The following ERC2 variants were observed in gnomAD, a reference collection of about 807,000 sequenced individuals.
The protein encoded by ERC2 is ERC protein 2.
Under a neutral mutation model 114.8 loss-of-function variants are expected in ERC2, and 42 were observed. The observed-to-expected ratio is 0.37, with a 90% CI of 0.29 to 0.47. The LOEUF is 0.47. ERC2 is among the 20% of genes least tolerant of loss of function. The pLI is 0.99. For missense variants in ERC2, 939 were observed against 1,150.7 expected (o/e 0.82, Z 2.66); for synonymous variants, 454 against 425.5 (o/e 1.07, Z -0.82).
chr3:56,187,813 A>G (rs1178258905), intron 3 of ERC2, among the ~76,000 whole-genome samples: 2 of 152,212 alleles, frequency 1.3e-5, no homozygotes, highest in Non-Finnish European at 2.9e-5. Flanking sequence ...TCTGCCTCCC[A>G]AACATGTAGT....
At chr3:56,063,957 T>C (rs1484851058) in intron 7 of ERC2, among the ~76,000 whole-genome samples, 1 of 152,198 alleles carries the variant, frequency 6.6e-6, no homozygotes, top group Non-Finnish European at 1.5e-5. Flanking sequence ...CTGGCAGAAT[T>C]TCCATGTATG....
chr3:55,844,550 C>T (rs960006223), intron 14 of ERC2, among the ~76,000 whole-genome samples: 7 of 152,130 alleles, frequency 4.6e-5, no homozygotes, highest in Non-Finnish European at 8.8e-5. Flanking sequence ...GAAAAAATGA[C>T]TAGGAAGGCA....
At chr3:56,082,903 A>C (rs2077311332) in intron 6 of ERC2, among the ~76,000 whole-genome samples, 1 of 152,096 alleles carries the variant, frequency 6.6e-6, no homozygotes, top group South Asian at 2.1e-4. Flanking sequence ...GCAGTTCACA[A>C]TGGGGTTCAC....
intron 17 of ERC2, among the ~76,000 whole-genome samples, chr3:55,623,996 G>A (rs1280433852): frequency 1.3e-5 from 2 of 152,188 alleles, no homozygotes; most frequent in African/African-American, 4.8e-5. Context: ...GATTGCCAAA[G>A]GAGAATCTGC....
intron 7 of ERC2, among the ~76,000 whole-genome samples, chr3:56,065,690 C>T (rs2076442076): frequency 6.6e-6 from 1 of 152,050 alleles, no homozygotes; most frequent in South Asian, 2.1e-4. Flanking sequence ...CTCTCCCTTC[C>T]CCTGTGACCC....
chr3:55,586,527 T>C (rs2057611468), intron 17 of ERC2, among the ~76,000 whole-genome samples: 1 of 152,256 alleles, frequency 6.6e-6, no homozygotes, highest in African/African-American at 2.4e-5. Flanking sequence ...TAATTTCTTT[T>C]GATAAGAACA....
At chr3:55,574,266 C>T (rs1418629406) in intron 17 of ERC2, among the ~76,000 whole-genome samples, 1 of 152,184 alleles carries the variant, frequency 6.6e-6, no homozygotes, top group East Asian at 1.9e-4. Context: ...CAGATTCCTC[C>T]TGTTTCATCC....
intron 13 of ERC2, among the ~76,000 whole-genome samples, chr3:55,920,446 A>ACACACACACACC (rs57638674): frequency 2.3e-4 from 34 of 145,548 alleles, no homozygotes; most frequent in East Asian, 1.3e-3. Context: ...ACACACACAC[A>ACACACACACACC]CCCCAAGTGA....
rs1268876652 is a variant in ERC2 at position 56,451,085 on chromosome 3, T to A, written c.-140-15938A>T. Among the ~76,000 whole-genome samples the A allele has an allele frequency of 2.0e-5, 3 of 152,258 alleles. No homozygotes were observed. The East Asian group carries it at 5.8e-4, about 29-fold the overall frequency. ...TTTCCTTTCATCTGCAAATGTAAAA[T>A]GTCAATTGGCAAAGCTTCAGTTATA... On this transcript the variant is annotated intron_variant, in intron 1 of 17. Transcript: ENST00000288221.
chr3:56,173,658 C>T, intron 3 of ERC2, 138 bp from the exon 4 acceptor site: 1 of 685,572 alleles, frequency 1.5e-6, no homozygotes, highest in Non-Finnish European at 2.4e-6. Context: ...GTCTCTTCCC[C>T]CACACTCTTT....
At chr3:56,091,002 C>T (rs768596545) in intron 6 of ERC2, among the ~76,000 whole-genome samples, 4 of 152,070 alleles carry the variant, frequency 2.6e-5, no homozygotes, top group South Asian at 2.1e-4. Flanking sequence ...CCTTGTTGAA[C>T]CAGAAAGCAA....
rs11457828 is a variant in ERC2 at position 56,202,501 on chromosome 3, C to CTTTTTT, written c.1075-28987_1075-28982dup. ...TATTCTGAGCATCTCTAAACTCAAG[C>CTTTTTT]TTTTTTTTTTTTGCTTATTTATAGA... On this transcript the variant is annotated intron_variant, in intron 3 of 17. Transcript: ENST00000288221. 4.5e-3 allele frequency among the ~76,000 whole-genome samples: 631 copies of CTTTTTT among 141,058 alleles called. 6 individuals carry two copies. Among genetic ancestry groups the CTTTTTT allele is most frequent in the Middle Eastern group, 7.4e-3 (2 of 272 alleles). 92.5% of individuals were successfully genotyped at this position (141,058 alleles called of 152,430 possible). A position where few individuals can be genotyped will look rare whatever the true frequency, so the allele number is the denominator to read the frequency against.
At chr3:56,154,952 T>C (rs1429098271) in intron 4 of ERC2, among the ~76,000 whole-genome samples, 2 of 152,222 alleles carry the variant, frequency 1.3e-5, no homozygotes, top group Non-Finnish European at 2.9e-5. Flanking sequence ...TTTCATCCTG[T>C]TAAACTTTCT....
chr3:55,548,981 T>A (rs1359938216), intron 17 of ERC2, among the ~76,000 whole-genome samples: 1 of 152,228 alleles, frequency 6.6e-6, no homozygotes, highest in Non-Finnish European at 1.5e-5. Flanking sequence ...TCCTACATCT[T>A]GGCAACAAAA....
chr3:55,525,940 A>G (rs1292851801), intron 17 of ERC2, among the ~76,000 whole-genome samples: 1 of 152,216 alleles, frequency 6.6e-6, no homozygotes, highest in African/African-American at 2.4e-5. Flanking sequence ...AGTAAATGTG[A>G]ATGTGACCTT....
chr3:56,143,659 G>A (rs1391724017), intron 5 of ERC2, among the ~76,000 whole-genome samples: 11 of 152,142 alleles, frequency 7.2e-5, no homozygotes, highest in Admixed American at 7.2e-4. Context: ...ACCCAGTCAT[G>A]GGTATGTCTT....
intron 17 of ERC2, among the ~76,000 whole-genome samples, chr3:55,632,480 G>A (rs535383353): frequency 2.6e-5 from 4 of 152,304 alleles, no homozygotes; most frequent in South Asian, 4.1e-4. Flanking sequence ...GAGACAAGGA[G>A]GCAAGGACTT....
intron 7 of ERC2, among the ~76,000 whole-genome samples, chr3:56,032,921 A>AAGAGAGAGAGAGAGAC (rs2074486606): frequency 1.4e-4 from 11 of 80,852 alleles, no homozygotes; most frequent in Admixed American, 4.9e-4. Context: ...GAAAGAAAGA[A>AAGAGAGAGAGAGAGAC]AGAAAGAAAG....
At chr3:55,914,664 G>A (rs2064995365) in intron 13 of ERC2, among the ~76,000 whole-genome samples, 3 of 152,184 alleles carry the variant, frequency 2.0e-5, no homozygotes, top group African/African-American at 7.2e-5. Context: ...CAGGCCAGAA[G>A]AAACAACTGG....
Sources: allele counts gnomAD v4.1 joint callset (sites outside exome capture counted in the v4.1 genomes callset), GRCh38; gene constraint gnomAD v4.1.1; transcripts MANE v1.5; gene names NCBI Gene and HGNC (gene_info 2026-07-23, HGNC 2026-07-21).